The following UBR2 variants were observed in gnomAD, a reference collection of about 807,000 sequenced individuals.
The protein encoded by UBR2 is E3 ubiquitin-protein ligase UBR2.
UBR2 carries 92 observed loss-of-function variants against 247.9 expected under a neutral mutation model. That is an observed-to-expected ratio of 0.37 (90% CI 0.31 to 0.44). The LOEUF (loss-of-function observed/expected upper bound fraction) is 0.44, where lower values mean the gene tolerates loss of function less well. Among genes scored for constraint, UBR2 ranks in the 20% least tolerant of loss-of-function variants. UBR2 has a pLI of 1.00. For synonymous variants in UBR2, 672 were observed against 693.5 expected (o/e 0.97, Z 0.49); for missense variants, 1,613 against 2,112.6 (o/e 0.76, Z 4.64).
intron 2 of UBR2, among the ~76,000 whole-genome samples, chr6:42,580,830 C>T (rs917407228): frequency 2.6e-5 from 4 of 152,006 alleles, no homozygotes; most frequent in Non-Finnish European, 5.9e-5. Context: ...CGTGAGCCAC[C>T]GCGCCCGGCC....
intron 10 of UBR2, among the ~76,000 whole-genome samples, chr6:42,616,672 A>C (rs1421399521): frequency 2.6e-5 from 4 of 151,224 alleles, no homozygotes; most frequent in Admixed American, 2.0e-4. Context: ...TCAGAACTCT[A>C]GGTTATTAAT....
At chr6:42,629,312 C>T (rs1035867462) in intron 11 of UBR2, among the ~76,000 whole-genome samples, 1 of 151,570 alleles carries the variant, frequency 6.6e-6, no homozygotes, top group Non-Finnish European at 1.5e-5. Context: ...CCACTGTGCC[C>T]GGCTGATAGT....
rs755379347 is a variant in UBR2, at chr6:42,670,723, C to T, written c.4086+8C>T. ...CCTTTACCTTGCAGACTGGTAAGTT[C>T]TCAGTTTATTCAGTTCATGATAGTG... On this transcript the variant is annotated splice_region_variant and intron_variant, in intron 36 of 46. Transcript: ENST00000372901. 3.7e-6 allele frequency: 6 copies of T among 1,605,854 alleles called. No individual in the cohort carries two copies. Among genetic ancestry groups the T allele is most frequent in the Non-Finnish European group, 5.1e-6 (6 of 1,176,172 alleles).
At chr6:42,657,591 A>G (rs191175977) in intron 26 of UBR2, among the ~76,000 whole-genome samples, 17 of 152,394 alleles carry the variant, frequency 1.1e-4, no homozygotes, top group Admixed American at 9.1e-4. Flanking sequence ...TAAACAAACT[A>G]TGAATTCCTA....
At chr6:42,634,421 C>T (rs1795952540) in intron 13 of UBR2, 1 of 176,024 alleles carries the variant, frequency 5.7e-6, no homozygotes, top group African/African-American at 2.4e-5. Context: ...AGTTGACTTA[C>T]CATTTTTATT....
In UBR2 at chr6:42,612,251, G is replaced by A; in HGVS notation, c.945G>A (p.Leu315=). ...TTGTCGCACATCAGAATTTTGGTTTGAAACTTTTGTCTTGGCTGGGAAGTA... is the reference window on the plus strand; with the variant it reads ...TTGTCGCACATCAGAATTTTGGTTTAAAACTTTTGTCTTGGCTGGGAAGTA... ...SSIVAHQNFG[L]KLLSWLGSII... Residue 315 remains leucine, a synonymous_variant, in exon 8 of 47, where the codon TTG becomes TTA. Transcript: ENST00000372901. 2 of 1,541,752 alleles carry A rather than the reference G, an allele frequency of 1.3e-6. No individual in the cohort carries two copies. Among genetic ancestry groups the A allele is most frequent in the South Asian group, 2.5e-5 (2 of 81,184 alleles).
rs375703995 is a variant in UBR2, at chr6:42,645,521, A to G, written c.2340A>G (p.Arg780=). The change falls in exon 21 of 47, where the codon CGA becomes CGG. Residue 780 remains arginine, a synonymous_variant. Transcript: ENST00000372901. The stretch of plus-strand genomic sequence containing the variant: ...TAAATGCTACAGATGAAATCAAGCG[A>G]GAGATTATCCATCAGTTGAGTATCA... ...GQVNATDEIK[R]EIIHQLSIKP... is the part of the protein sequence containing the mutation. 3.1e-6 allele frequency: 5 copies of G among 1,613,764 alleles called. No homozygotes were observed. The African/African-American group carries it at 6.7e-5, about 22-fold the overall frequency.
At chr6:42,581,913 A>G (rs1313156609) in intron 2 of UBR2, among the ~76,000 whole-genome samples, 1 of 152,164 alleles carries the variant, frequency 6.6e-6, no homozygotes, top group Non-Finnish European at 1.5e-5. Context: ...GTTATTCTAT[A>G]CTTAACCACA....
chr6:42,633,979 C>T (rs1311006065), intron 13 of UBR2, among the ~76,000 whole-genome samples: 1 of 152,206 alleles, frequency 6.6e-6, no homozygotes, highest in East Asian at 1.9e-4. Flanking sequence ...GATCCGCCCA[C>T]CTCGGCCTCC....
intron 11 of UBR2, among the ~76,000 whole-genome samples, chr6:42,630,244 G>A (rs1366186055): frequency 1.3e-5 from 2 of 150,906 alleles, no homozygotes; most frequent in Admixed American, 1.3e-4. Flanking sequence ...GAGTGCAATG[G>A]CATGATCTCG....
intron 4 of UBR2, among the ~76,000 whole-genome samples, chr6:42,600,895 A>G (rs1026564453): frequency 2.0e-5 from 3 of 152,176 alleles, no homozygotes; most frequent in South Asian, 4.1e-4. Context: ...GGGCTCAAGC[A>G]GTCCTCCCAC....
chr6:42,584,363 T>TC (rs1410233445), intron 2 of UBR2, among the ~76,000 whole-genome samples: 3 of 152,224 alleles, frequency 2.0e-5, no homozygotes, highest in Non-Finnish European at 4.4e-5. Context: ...TGAACAGTAA[T>TC]CTAGTTCATT....
intron 13 of UBR2, among the ~76,000 whole-genome samples, chr6:42,633,866 G>T (rs1264797042): frequency 1.3e-5 from 2 of 151,542 alleles, no homozygotes; most frequent in Admixed American, 1.3e-4. Flanking sequence ...GAGTAGCTGG[G>T]ATTACAGGCA....
rs1562266651 is a variant in UBR2, at chr6:42,564,060, T to G, written c.-260T>G. The G allele has an allele frequency of 6.0e-6, 3 of 503,228 alleles. No homozygotes were observed. Among genetic ancestry groups the G allele is most frequent in the Admixed American group, 4.0e-5 (1 of 24,936 alleles). The allele number at this position is 503,228 out of a possible 1,614,324, so 31.2% of individuals were successfully genotyped here. ...GCCAGCGAGAGTGTCAGGCCTGGGGTTTTCTGTGTCCTTCCCTGGGTCAGG... is the reference window on the plus strand; with the variant it reads ...GCCAGCGAGAGTGTCAGGCCTGGGGGTTTCTGTGTCCTTCCCTGGGTCAGG... On this transcript the variant is annotated 5_prime_UTR_variant, in exon 1 of 47. Coordinates refer to ENST00000372901, the MANE Select transcript of UBR2 (RefSeq NM_001363705.2).
At chr6:42,634,442 T>C (rs1323018620) in intron 13 of UBR2, 1 of 184,130 alleles carries the variant, frequency 5.4e-6, no homozygotes, top group Non-Finnish European at 1.2e-5. Flanking sequence ...TTTATTTGTT[T>C]GAATTTATTT....
intron 2 of UBR2, among the ~76,000 whole-genome samples, chr6:42,584,269 T>C (rs1237220931): frequency 6.6e-6 from 1 of 152,198 alleles, no homozygotes; most frequent in African/African-American, 2.4e-5. Flanking sequence ...GTACTGAGAT[T>C]ACAGGCGTGA....
intron 14 of UBR2, among the ~76,000 whole-genome samples, chr6:42,635,798 C>T (rs1158790074): frequency 6.6e-6 from 1 of 151,764 alleles, no homozygotes; most frequent in Non-Finnish European, 1.5e-5. Flanking sequence ...TGTTTTTTTT[C>T]CATAATCCCT....
At position 42,663,345 on chromosome 6, in the gene UBR2, C is replaced by T; in HGVS notation, c.3624C>T (p.Phe1208=). The change falls in exon 32 of 47, where the codon TTC becomes TTT. Residue 1208 remains phenylalanine (F), a synonymous_variant. Transcript: ENST00000372901. The part of the protein sequence containing the change: ...HTSYDVENGE[F]LCPLCECLSN... The stretch of plus-strand genomic sequence containing the variant: ...GCTATGATGTAGAAAACGGAGAATT[C>T]CTTTGCCCCCTTTGTGAATGCTTGA... The T allele has an allele frequency of 6.2e-7, 1 of 1,613,688 alleles. No individual in the cohort carries two copies.
At chr6:42,640,390 G>T in intron 16 of UBR2, 120 bp downstream of exon 16, 1 of 47,942 alleles carries the variant, frequency 2.1e-5, no homozygotes, top group Non-Finnish European at 3.6e-5. Flanking sequence ...TAAGGTGTGT[G>T]TGTGTGTGTG....
Sources: allele counts gnomAD v4.1 joint callset (sites outside exome capture counted in the v4.1 genomes callset), GRCh38; gene constraint gnomAD v4.1.1; transcripts MANE v1.5; gene names NCBI Gene and HGNC (gene_info 2026-07-23, HGNC 2026-07-21).